ARHGEF18: variants seen among roughly 807,000 people sequenced by gnomAD.
ARHGEF18 encodes Rho/Rac guanine nucleotide exchange factor 18.
A neutral mutation model predicts 155.7 loss-of-function variants in ARHGEF18; 93 were observed. The observed-to-expected ratio is 0.60, with a 90% CI of 0.50 to 0.71. The LOEUF is 0.71. ARHGEF18 is among the 30% of genes least tolerant of loss of function. The pLI is 0.00. For missense variants in ARHGEF18, 1,593 were observed against 1,816.1 expected (o/e 0.88, Z 2.23); for synonymous variants, 742 against 753.1 (o/e 0.99, Z 0.24).
At chr19:7,435,395 A>G (rs1974199491) in intron 10 of ARHGEF18, among the ~76,000 whole-genome samples, 1 of 152,078 alleles carries the variant, frequency 6.6e-6, no homozygotes, top group African/African-American at 2.4e-5. Flanking sequence ...GGCAGGGCAC[A>G]CCACACAGGG....
At chr19:7,422,794 C>T (rs11260070) in intron 10 of ARHGEF18, among the ~76,000 whole-genome samples, 77,293 of 147,498 alleles carry the variant, frequency 0.52, 20,807 homozygotes, top group Middle Eastern at 0.73. Context: ...TCTCGGCTCA[C>T]TGCAGTCTCC....
downstream of ARHGEF18, among the ~76,000 whole-genome samples, chr19:7,475,543 CA>C (rs1255110076): frequency 4.0e-5 from 6 of 151,652 alleles, no homozygotes; most frequent in African/African-American, 1.5e-4. Flanking sequence ...CACACACACA[CA>C]ACCACACACA....
At chr19:7,388,743 G>C (rs1450355950) in intron 10 of ARHGEF18, among the ~76,000 whole-genome samples, 5 of 150,788 alleles carry the variant, frequency 3.3e-5, no homozygotes, top group Admixed American at 3.3e-4. Context: ...ACCACGCCTG[G>C]CTAATTTTTG....
At chr19:7,362,218 GGAA>G (rs1041085361) in intron 1 of ARHGEF18, among the ~76,000 whole-genome samples, 8 of 140,520 alleles carry the variant, frequency 5.7e-5, no homozygotes, top group African/African-American at 1.2e-4. Context: ...GAAAAGAAGA[GGAA>G]GAAGAGGAAG....
intron 2 of ARHGEF18, among the ~76,000 whole-genome samples, chr19:7,369,888 T>C (rs1409903221): frequency 6.6e-6 from 1 of 151,114 alleles, no homozygotes; most frequent in Non-Finnish European, 1.5e-5. Context: ...CAGAGCGAGA[T>C]GCCGTCTCAA....
rs1440512698 is a variant in ARHGEF18 at position 7,382,817 on chromosome 19, G to A, written c.748G>A (p.Glu250Lys). ...GAGCGAGGACGGTGCTGGCAAGAAC[G>A]AGAAGAGTGACAAGAGTACCAGTGT... ...SESEDGAGKN[E>K]KSDKSTSVKR... The change falls in exon 9 of 29, where the codon GAG becomes AAG. Residue 250 changes from glutamate to lysine, a missense_variant. By Grantham distance (56) the Glu-to-Lys change is moderately conservative (BLOSUM62 1). Transcript: ENST00000668164. The A allele has an allele frequency of 1.2e-5, 15 of 1,232,406 alleles. No homozygotes were observed. The highest frequency in any genetic ancestry group is 4.2e-5 in the Admixed American group (1 of 23,708). 76.3% of individuals were successfully genotyped at this position (1,232,406 alleles called of 1,614,324 possible). A position where few individuals can be genotyped will look rare whatever the true frequency, so the allele number is the denominator to read the frequency against.
At position 7,456,327 on chromosome 19, in the gene ARHGEF18, A is replaced by G; in HGVS notation, c.2105A>G (p.Asp702Gly). ...CWKTTSGRLK[D>G]ILAILLTDVL... ...GCATCCTTCCATGCTGTTTTCCCAG[A>G]TATCCTGGCTATCCTGCTGACCGAC... The change falls in exon 18 of 29, where the codon GAT becomes GGT. Residue 702 changes from aspartate (D) to glycine (G), a missense_variant and splice_region_variant. Coordinates refer to ENST00000668164, the MANE Select transcript of ARHGEF18 (RefSeq NM_001367823.1). 2 of 1,614,128 alleles carry G rather than the reference A, an allele frequency of 1.2e-6. No individual in the cohort carries two copies. Among genetic ancestry groups the G allele is most frequent in the Non-Finnish European group, 1.7e-6 (2 of 1,179,992 alleles).
downstream of ARHGEF18, among the ~76,000 whole-genome samples, chr19:7,474,754 A>AGTGAGTGTGTGT (rs796866599): frequency 4.2e-5 from 6 of 141,970 alleles, no homozygotes; most frequent in African/African-American, 1.6e-4. Context: ...TGGGCATTGG[A>AGTGAGTGTGTGT]GTGTGTGTGT....
At chr19:7,414,878 C>G (rs1052302959) in intron 10 of ARHGEF18, among the ~76,000 whole-genome samples, 1 of 151,740 alleles carries the variant, frequency 6.6e-6, no homozygotes, top group Non-Finnish European at 1.5e-5. Flanking sequence ...GCCTGTAATC[C>G]CAGCTACTCG....
Position 7,400,398 on chromosome 19 carries a change from C to T in ARHGEF18, c.967+17195C>T, listed in dbSNP as rs143267222. Among the ~76,000 whole-genome samples, 68 of 152,246 alleles carry T rather than the reference C, an allele frequency of 4.5e-4. No individual in the cohort carries two copies. In the East Asian group the frequency reaches 7.7e-3, roughly 17 times the overall value. ...AAACTCCTGGGTTAAAGTGTTCCTC[C>T]TGCCTTAGCCTCCTGAGTAGCTGGG... is the stretch of plus-strand genomic sequence containing the variant. On this transcript the variant is annotated intron_variant, in intron 10 of 28. Coordinates refer to ENST00000668164, the MANE Select transcript of ARHGEF18 (RefSeq NM_001367823.1).
intron 18 of ARHGEF18, among the ~76,000 whole-genome samples, chr19:7,457,881 G>A (rs75955641): frequency 0.022 from 3,369 of 152,144 alleles, 70 homozygotes; most frequent in South Asian, 0.072. Context: ...AGACAGAGAT[G>A]GGTTTATCTG....
At position 7,441,514 on chromosome 19, in the gene ARHGEF18, A is replaced by C. The variant is rs1252148095; in HGVS notation, c.1107-139A>C. ...ATTTTTAAAAATGATCTGTAGACAA[A>C]GTTGAGGCTTCTGTGAAAATGTGGA... On this transcript the variant is annotated intron_variant, in intron 11 of 28. Transcript: ENST00000668164. 6 of 670,642 alleles carry C rather than the reference A, an allele frequency of 8.9e-6. No individual in the cohort carries two copies. The East Asian group carries it at 1.6e-4, about 18-fold the overall frequency. 41.5% of individuals were successfully genotyped at this position (670,642 alleles called of 1,614,324 possible).
At chr19:7,465,278 G>A (rs1976541918) in intron 23 of ARHGEF18, among the ~76,000 whole-genome samples, 1 of 152,212 alleles carries the variant, frequency 6.6e-6, no homozygotes, top group Non-Finnish European at 1.5e-5. Context: ...TGTGTTCCCA[G>A]TCATGACCCG....
chr19:7,462,137 A>G lies in ARHGEF18; in HGVS notation c.2453-15A>G. On this transcript the variant is annotated splice_polypyrimidine_tract_variant and intron_variant, in intron 20 of 28. Transcript: ENST00000668164. The surrounding 1 kb of genome is among the most constrained non-coding windows in gnomAD (Gnocchi z 4.4). ...GCCGACCCGGCTGACTGCCACCTCC[A>G]CCATCACTCTGCAGAGCGGTTGAGC... The G allele has an allele frequency of 1.2e-6, 2 of 1,613,508 alleles. No homozygotes were observed. The highest frequency in any genetic ancestry group is 2.2e-5 in the South Asian group (2 of 91,078).
intron 1 of ARHGEF18, among the ~76,000 whole-genome samples, chr19:7,361,107 G>C (rs1240335602): frequency 6.6e-6 from 1 of 152,166 alleles, no homozygotes; most frequent in Non-Finnish European, 1.5e-5. Flanking sequence ...GCTTTATTGA[G>C]CTACCATATA....
At chr19:7,361,281 A>T (rs1969536048) in intron 1 of ARHGEF18, among the ~76,000 whole-genome samples, 1 of 144,856 alleles carries the variant, frequency 6.9e-6, no homozygotes, top group Admixed American at 6.7e-5. Context: ...TACTAAAAAT[A>T]AAAAAAATTA....
At chr19:7,381,028 C>T (rs1043376688) in intron 8 of ARHGEF18, 34 bp downstream of exon 8, 30 of 1,227,424 alleles carry the variant, frequency 2.4e-5, no homozygotes, top group Middle Eastern at 3.1e-4. Flanking sequence ...GGGAGGGCAG[C>T]CTTGGATTCG....
At chr19:7,352,120 G>T (rs1969172339) in intron 1 of ARHGEF18, among the ~76,000 whole-genome samples, 1 of 152,030 alleles carries the variant, frequency 6.6e-6, no homozygotes, top group Admixed American at 6.6e-5. Context: ...TAAATGCCAG[G>T]CCTTGTTTGT....
intron 10 of ARHGEF18, among the ~76,000 whole-genome samples, chr19:7,403,797 A>T (rs933429959): frequency 6.6e-6 from 1 of 151,442 alleles, no homozygotes; most frequent in Non-Finnish European, 1.5e-5. Context: ...GGGCTCAATG[A>T]CTCACACCTG....
Sources: allele counts gnomAD v4.1 joint callset (sites outside exome capture counted in the v4.1 genomes callset), GRCh38; gene constraint gnomAD v4.1.1; non-coding constraint Gnocchi (gnomAD v3.1); transcripts MANE v1.5; gene names NCBI Gene and HGNC (gene_info 2026-07-23, HGNC 2026-07-21).